Variants in ELAPOR2 observed in about 807,000 individuals in gnomAD.
ELAPOR2 encodes endosome/lysosome-associated apoptosis and autophagy regulator family member 2.
A neutral mutation model predicts 120.7 loss-of-function variants in ELAPOR2; 89 were observed. The ratio of observed to expected loss-of-function variants is 0.74; its 90% CI spans 0.62 to 0.88. ELAPOR2 has a LOEUF of 0.88. ELAPOR2 is among the 40% of genes least tolerant of loss of function. The probability of loss-of-function intolerance (pLI) is 0.00; values close to 1 mark genes in which losing one functional copy is unlikely to be tolerated. For synonymous variants in ELAPOR2, 444 were observed against 444.9 expected, an observed-to-expected ratio of 1.00 and a Z score of 0.03; for missense variants, 1,134 against 1,251.6, an observed-to-expected ratio of 0.91 and a Z score of 1.42.
intron 8 of ELAPOR2, among the ~76,000 whole-genome samples, chr7:86,932,665 T>TA (rs1275412813): frequency 2.6e-5 from 4 of 151,976 alleles, no homozygotes; most frequent in African/African-American, 9.7e-5. Flanking sequence ...ATGAGAAACT[T>TA]ACTGTTTTTA....
chr7:86,928,260 A>G (rs939561490), intron 8 of ELAPOR2, among the ~76,000 whole-genome samples: 18 of 151,938 alleles, frequency 1.2e-4, no homozygotes, highest in Non-Finnish European at 2.5e-4. Context: ...TAATTGGAAA[A>G]ATAAAGGGGC....
At chr7:86,934,036 A>G (rs2116290279) in intron 8 of ELAPOR2, among the ~76,000 whole-genome samples, 1 of 152,120 alleles carries the variant, frequency 6.6e-6, no homozygotes, top group African/African-American at 2.4e-5. Flanking sequence ...AAAAATTTCA[A>G]CTCAGTACTT....
At chr7:87,044,266 C>A (rs62488055) in intron 1 of ELAPOR2, among the ~76,000 whole-genome samples, 2 of 76,652 alleles carry the variant, frequency 2.6e-5, no homozygotes, top group East Asian at 5.9e-4. Context: ...CTTTAAAGTT[C>A]ATATGGAACC....
chr7:86,899,624 T>C (rs1386131013), intron 18 of ELAPOR2, among the ~76,000 whole-genome samples: 2 of 152,072 alleles, frequency 1.3e-5, no homozygotes, highest in Non-Finnish European at 2.9e-5. Flanking sequence ...CCCTAAGATA[T>C]GAACACTAAA....
chr7:86,937,848 T>C (rs935641374), intron 8 of ELAPOR2, among the ~76,000 whole-genome samples: 3 of 152,064 alleles, frequency 2.0e-5, no homozygotes, highest in African/African-American at 7.2e-5. Context: ...TCTTGAATGT[T>C]CTTATAGCAG....
At chr7:87,041,930 A>C (rs550806297) in intron 1 of ELAPOR2, among the ~76,000 whole-genome samples, 1 of 151,972 alleles carries the variant, frequency 6.6e-6, no homozygotes, top group African/African-American at 2.4e-5. Context: ...TACCAAGCAA[A>C]TGGAAGACAA....
At chr7:87,026,817 T>TA (rs1459852018) in intron 1 of ELAPOR2, among the ~76,000 whole-genome samples, 1 of 152,010 alleles carries the variant, frequency 6.6e-6, no homozygotes, top group African/African-American at 2.4e-5. Flanking sequence ...AGTCTCCAAA[T>TA]AAAAGCCAAC....
At chr7:86,890,144 A>G (rs999665252) in intron 21 of ELAPOR2, among the ~76,000 whole-genome samples, 5 of 151,984 alleles carry the variant, frequency 3.3e-5, no homozygotes, top group Admixed American at 1.3e-4. Context: ...TATAAAAATG[A>G]GGTTTGGATG....
At chr7:86,941,726 A>C (rs958186975) in intron 5 of ELAPOR2, among the ~76,000 whole-genome samples, 3 of 151,980 alleles carry the variant, frequency 2.0e-5, no homozygotes, top group African/African-American at 4.8e-5. Flanking sequence ...TGCCCCTTTG[A>C]AAGGGAGGAA....
chr7:86,968,819 C>A (rs1002404858), intron 1 of ELAPOR2, among the ~76,000 whole-genome samples: 1 of 152,186 alleles, frequency 6.6e-6, no homozygotes, highest in South Asian at 2.1e-4. Flanking sequence ...CATCAGCTCA[C>A]AAGCCACACT....
intron 19 of ELAPOR2, among the ~76,000 whole-genome samples, chr7:86,894,788 TTAAAGA>T (rs1788361290): frequency 2.6e-5 from 4 of 152,048 alleles, no homozygotes; most frequent in Admixed American, 2.6e-4. Flanking sequence ...TAAGATAAAT[TTAAAGA>T]TAAATTTTAA....
intron 1 of ELAPOR2, among the ~76,000 whole-genome samples, chr7:86,989,221 T>C (rs1190623876): frequency 6.6e-6 from 1 of 152,230 alleles, no homozygotes; most frequent in African/African-American, 2.4e-5. Context: ...TATTTCCCTT[T>C]TAAATTAAGC....
At chr7:86,883,377 A>G (rs1210948114) in intron 21 of ELAPOR2, among the ~76,000 whole-genome samples, 1 of 152,188 alleles carries the variant, frequency 6.6e-6, no homozygotes, top group African/African-American at 2.4e-5. Context: ...ATGAACATAA[A>G]CATTTTTTGC....
At chr7:87,032,531 C>T (rs1794452574) in intron 1 of ELAPOR2, among the ~76,000 whole-genome samples, 2 of 152,102 alleles carry the variant, frequency 1.3e-5, no homozygotes, top group Admixed American at 6.6e-5. Context: ...TGAAGTTTTA[C>T]AGATTTCTGG....
At chr7:87,054,884 A>G (rs1795215268) in intron 1 of ELAPOR2, among the ~76,000 whole-genome samples, 1 of 152,156 alleles carries the variant, frequency 6.6e-6, no homozygotes, top group Non-Finnish European at 1.5e-5. Context: ...CTGACACACA[A>G]TGAGCCCTAT....
At chr7:87,023,336 T>G (rs536501205) in intron 1 of ELAPOR2, among the ~76,000 whole-genome samples, 86 of 152,280 alleles carry the variant, frequency 5.6e-4, no homozygotes, top group African/African-American at 1.4e-3. Context: ...TTTCCCCATT[T>G]CTTGTTTTTG....
chr7:86,921,340 G>A (rs953171292), intron 10 of ELAPOR2, among the ~76,000 whole-genome samples: 4 of 151,960 alleles, frequency 2.6e-5, no homozygotes, highest in Admixed American at 6.6e-5. Flanking sequence ...AGGAAAATAC[G>A]GTCACAGATG....
At chr7:86,948,038 GC>G in intron 2 of ELAPOR2, 116 bp from the exon 3 acceptor site, 2 of 707,482 alleles carry the variant, frequency 2.8e-6, no homozygotes, top group Middle Eastern at 2.5e-4. Context: ...TCAAACGAAA[GC>G]CTTTCAAATT....
chr7:86,886,834 G>C (rs1367734797), intron 21 of ELAPOR2, among the ~76,000 whole-genome samples: 1 of 152,058 alleles, frequency 6.6e-6, no homozygotes, highest in African/African-American at 2.4e-5. Flanking sequence ...TCGATTTATC[G>C]AGGTTCTACT....
Sources: allele counts gnomAD v4.1 joint callset (sites outside exome capture counted in the v4.1 genomes callset), GRCh38; gene constraint gnomAD v4.1.1; transcripts MANE v1.5; gene names NCBI Gene and HGNC (gene_info 2026-07-23, HGNC 2026-07-21).